The following SAMD4A variants were observed in gnomAD, a reference collection of about 807,000 sequenced individuals.
The protein encoded by SAMD4A is sterile alpha motif domain containing 4A, also known as protein Smaug homolog 1.
In SAMD4A, 33 loss-of-function variants were observed where a neutral mutation model predicts 81.3. The observed-to-expected ratio is 0.41, with a 90% CI of 0.31 to 0.54. The LOEUF is 0.54. SAMD4A is among the 20% of genes least tolerant of loss of function. SAMD4A has a pLI of 0.37. For missense variants in SAMD4A, 854 were observed against 951.1 expected (o/e 0.90, Z 1.34); for synonymous variants, 389 against 382.1 (o/e 1.02, Z -0.21).
intron 2 of SAMD4A, among the ~76,000 whole-genome samples, chr14:54,642,991 C>T (rs7142955): frequency 0.6 from 91,647 of 152,034 alleles, 27,970 homozygotes; most frequent in East Asian, 0.8. Context: ...CTCCCTTTCC[C>T]CAAAGGTCTC....
chr14:54,783,238 T>C (rs2039046872), intron 11 of SAMD4A, among the ~76,000 whole-genome samples: 1 of 152,176 alleles, frequency 6.6e-6, no homozygotes, highest in South Asian at 2.1e-4. Flanking sequence ...TTTCTCTTTT[T>C]CTTCGCTCAG....
intron 2 of SAMD4A, among the ~76,000 whole-genome samples, chr14:54,602,106 G>A (rs1025500201): frequency 2.6e-5 from 4 of 152,164 alleles, no homozygotes; most frequent in African/African-American, 9.7e-5. Context: ...CCAGAGACAG[G>A]CTTCTGGTTT....
Position 54,699,489 on chromosome 14 carries a change from T to A in SAMD4A, c.197-2573T>A, listed in dbSNP as rs568104378. ...CACCAGCCACATAAGGCTTCTAAGCTCTTCAGCTGTGGCTGATCCAAGTTG... is the reference window on the plus strand; with the variant it reads ...CACCAGCCACATAAGGCTTCTAAGCACTTCAGCTGTGGCTGATCCAAGTTG... On this transcript the variant is annotated intron_variant, in intron 2 of 12. Coordinates refer to ENST00000554335, the MANE Select transcript of SAMD4A (RefSeq NM_015589.6). 2.6e-5 allele frequency among the ~76,000 whole-genome samples: 4 copies of A among 152,280 alleles called. No homozygotes were observed. In the South Asian group the frequency reaches 8.3e-4, roughly 32 times the overall value.
intron 2 of SAMD4A, among the ~76,000 whole-genome samples, chr14:54,618,495 A>G (rs2034542189): frequency 6.6e-6 from 1 of 152,240 alleles, no homozygotes. Flanking sequence ...TTGAGAAATC[A>G]CAGGTTTAGC....
intron 2 of SAMD4A, among the ~76,000 whole-genome samples, chr14:54,666,267 A>G (rs1277316023): frequency 1.3e-5 from 2 of 152,206 alleles, no homozygotes; most frequent in African/African-American, 4.8e-5. Flanking sequence ...TGGATTTAAA[A>G]CAATGCCTGT....
At chr14:54,646,497 T>C (rs1386123527) in intron 2 of SAMD4A, among the ~76,000 whole-genome samples, 2 of 152,262 alleles carry the variant, frequency 1.3e-5, no homozygotes, top group African/African-American at 4.8e-5. Flanking sequence ...ACTGCTGCCA[T>C]TGATCCAGGG....
At chr14:54,756,486 G>A (rs532421111) in intron 6 of SAMD4A, among the ~76,000 whole-genome samples, 6 of 152,232 alleles carry the variant, frequency 3.9e-5, no homozygotes, top group South Asian at 2.1e-4. Context: ...CCATCATACC[G>A]TGTGGGTCCC....
chr14:54,776,706 C>T (rs1039654304), intron 11 of SAMD4A, among the ~76,000 whole-genome samples, 166 bp downstream of exon 11: 4 of 152,200 alleles, frequency 2.6e-5, no homozygotes, highest in African/African-American at 7.2e-5. Flanking sequence ...TGAATAGCGG[C>T]GGCTTGGCTG....
intron 11 of SAMD4A, chr14:54,784,118 G>A: frequency 1.9e-6 from 1 of 526,536 alleles, no homozygotes. Flanking sequence ...CCAGGGAACA[G>A]CGGTGCAAAG....
rs1034644426 is a variant in SAMD4A at position 54,712,583 on chromosome 14, T to C, written c.715+10003T>C. 4.3e-4 allele frequency among the ~76,000 whole-genome samples: 65 copies of C among 152,020 alleles called. 1 individual carries two copies. On this transcript the variant is annotated intron_variant, in intron 3 of 12. Transcript: ENST00000554335. Reference sequence around the variant, plus strand: ...CTGATCCTTCTCCTGTTTCCAAGAGTCCAGGGTTTTTACCGGACTGTGTTT... The same window carrying C: ...CTGATCCTTCTCCTGTTTCCAAGAGCCCAGGGTTTTTACCGGACTGTGTTT...
At chr14:54,572,925 A>G (rs2033173403) in intron 2 of SAMD4A, among the ~76,000 whole-genome samples, 1 of 152,246 alleles carries the variant, frequency 6.6e-6, no homozygotes, top group African/African-American at 2.4e-5. Context: ...AACCCTAAAA[A>G]GATATAAGTC....
At chr14:54,606,640 GT>G (rs1392949436) in intron 2 of SAMD4A, among the ~76,000 whole-genome samples, 5 of 152,114 alleles carry the variant, frequency 3.3e-5, no homozygotes, top group Non-Finnish European at 7.4e-5. Context: ...TTTCTTTGGG[GT>G]TTTCTAGGAA....
At chr14:54,569,894 T>G (rs2033078071) in intron 2 of SAMD4A, among the ~76,000 whole-genome samples, 1 of 152,186 alleles carries the variant, frequency 6.6e-6, no homozygotes, top group African/African-American at 2.4e-5. Flanking sequence ...AGCCACCAGG[T>G]TAGTAAGTAA....
intron 2 of SAMD4A, among the ~76,000 whole-genome samples, chr14:54,618,695 T>A (rs937230167): frequency 6.6e-6 from 1 of 152,232 alleles, no homozygotes; most frequent in Non-Finnish European, 1.5e-5. Context: ...CTAAGGTGTA[T>A]TTCCTCAGGG....
At chr14:54,678,429 C>A (rs2036038694) in intron 2 of SAMD4A, among the ~76,000 whole-genome samples, 1 of 106,154 alleles carries the variant, frequency 9.4e-6, no homozygotes. Flanking sequence ...TGGGCAGTCA[C>A]CATTTGTGTG....
intron 2 of SAMD4A, among the ~76,000 whole-genome samples, chr14:54,663,530 T>G (rs897191721): frequency 2.0e-5 from 3 of 152,232 alleles, no homozygotes; most frequent in African/African-American, 7.2e-5. Flanking sequence ...TTTTCTCTAC[T>G]TAGCTTGACT....
At chr14:54,650,611 G>T (rs1027001530) in intron 2 of SAMD4A, among the ~76,000 whole-genome samples, 1 of 152,138 alleles carries the variant, frequency 6.6e-6, no homozygotes, top group African/African-American at 2.4e-5. Flanking sequence ...GCCCCCAACT[G>T]GTTCTTCCCT....
chr14:54,568,249 C>G (rs1157771659), intron 2 of SAMD4A, 137 bp downstream of exon 2: 1 of 737,618 alleles, frequency 1.4e-6, no homozygotes, highest in South Asian at 2.4e-5. Flanking sequence ...CCGAGGCCCT[C>G]GGAATCCACC....
chr14:54,749,009 A>G, intron 5 of SAMD4A, 85 bp downstream of exon 5: 1 of 900,984 alleles, frequency 1.1e-6, no homozygotes, highest in Non-Finnish European at 1.8e-6. Flanking sequence ...GTTTGGACCC[A>G]TACCTATGCC....
Sources: gnomAD v4.1 joint callset for allele counts (sites outside exome capture counted in the v4.1 genomes callset) on GRCh38, gnomAD v4.1.1 for gene constraint, MANE v1.5 for transcripts, NCBI Gene and HGNC (gene_info 2026-07-23, HGNC 2026-07-21) for gene names.